Variants in NPR2 observed in about 807,000 individuals in gnomAD.
The protein encoded by NPR2 is natriuretic peptide receptor 2.
In NPR2, 49 loss-of-function variants were observed where a neutral mutation model predicts 120.7. The ratio of observed to expected loss-of-function variants is 0.41; its 90% CI spans 0.32 to 0.52. The LOEUF is 0.52. Ranked by LOEUF, NPR2 falls within the 20% of genes least tolerant of loss-of-function variation. The probability of loss-of-function intolerance (pLI) is 0.36; values close to 1 mark genes in which losing one functional copy is unlikely to be tolerated. For missense variants in NPR2, 931 were observed against 1,362.9 expected, an observed-to-expected ratio of 0.68 and a Z score of 4.99; for synonymous variants, 484 against 519.8, an observed-to-expected ratio of 0.93 and a Z score of 0.94.
intron 2 of NPR2, among the ~76,000 whole-genome samples, chr9:35,799,251 T>G (rs535691401): frequency 1.3e-5 from 2 of 152,214 alleles, no homozygotes; most frequent in Non-Finnish European, 2.9e-5. Flanking sequence ...GTGTGAGCTG[T>G]GGTGGCCTGG....
chr9:35,792,898 G>T lies in NPR2; in HGVS notation c.490G>T (p.Ala164Ser), dbSNP rs200256956. 1 of 1,614,138 alleles carries T rather than the reference G, an allele frequency of 6.2e-7. No homozygotes were observed. The highest frequency in any genetic ancestry group is 8.5e-7 in the Non-Finnish European group (1 of 1,180,030). ...ACTACACGGGCACTTCAATTGGACT[G>T]CCCGTGCTGCCTTGCTGTACCTGGA... ...VTLHGHFNWTARAALLYLDAR... is the reference protein window; with the variant it reads ...VTLHGHFNWTSRAALLYLDAR... The change falls in exon 1 of 22, where the codon GCC (alanine) becomes TCC (serine). Residue 164 changes from alanine to serine, a missense_variant. Coordinates refer to ENST00000342694, the MANE Select transcript of NPR2 (RefSeq NM_003995.4).
rs907856752 is a variant in NPR2 at position 35,806,838 on chromosome 9, C to T, written c.2520-185C>T. Among the ~76,000 whole-genome samples the T allele has an allele frequency of 8.5e-5, 13 of 152,194 alleles. No homozygotes were observed. Among genetic ancestry groups the T allele is most frequent in the African/African-American group, 3.1e-4 (13 of 41,448 alleles). The stretch of plus-strand genomic sequence containing the variant: ...TGCACAGGGATTCCCCTCAAACCCC[C>T]CCGCCACTTGTGTGCCTTACCTTGC... On this transcript the variant is annotated intron_variant, in intron 16 of 21. Transcript: ENST00000342694. The surrounding 1 kb of genome is among the most constrained non-coding windows in gnomAD (Gnocchi z 4.6).
In NPR2 at chr9:35,791,854, G is replaced by A. The variant is rs1321304450; in HGVS notation, c.-555G>A. On this transcript the variant is annotated 5_prime_UTR_variant, in exon 1 of 22. Transcript: ENST00000342694. ...ATCCTTCACAGGGAGATTTACCCCT[G>A]CCTTCCCCTGCCCTCCGGCCCAGGC... Among the ~76,000 whole-genome samples the A allele has an allele frequency of 6.6e-6, 1 of 151,972 alleles. No individual in the cohort carries two copies. The highest frequency in any genetic ancestry group is 1.5e-5 in the Non-Finnish European group (1 of 67,906).
In NPR2 at chr9:35,800,158, G is replaced by A; in HGVS notation, c.1123+1G>A. ...AAGATGCAGGGACGAAGATATCACG[G>A]TAATGAAGAGGGGTCAATGGGGGTC... is the stretch of plus-strand genomic sequence containing the variant. On this transcript the variant is annotated splice_donor_variant, in intron 4 of 21. Transcript: ENST00000342694. LOFTEE classifies it high-confidence loss of function. The surrounding 1 kb of genome is among the most constrained non-coding windows in gnomAD (Gnocchi z 4.7). 6.2e-7 allele frequency: 1 copy of A among 1,613,158 alleles called. No individual in the cohort carries two copies. Among genetic ancestry groups the A allele is most frequent in the Non-Finnish European group, 8.5e-7 (1 of 1,179,086 alleles).
rs1301865881 is a variant in NPR2, at chr9:35,808,204, T to G, written c.2713-305T>G. 1 of 1,614,114 alleles carries G rather than the reference T, an allele frequency of 6.2e-7. No individual in the cohort carries two copies. The highest frequency in any genetic ancestry group is 8.5e-7 in the Non-Finnish European group (1 of 1,180,048). On this transcript the variant is annotated intron_variant, in intron 18 of 21. Transcript: ENST00000342694. This position sits in a 1 kb window ranked among gnomAD's most constrained non-coding sequence, Gnocchi z 4.0. ...GCCTCTGTCCTCTTGAGTTACCGTT[T>G]TCTTGCTTCCCATTTCCTGATGGCA...
chr9:35,806,113 G>C lies in NPR2; in HGVS notation c.2252G>C (p.Ser751Thr). 6.2e-7 allele frequency: 1 copy of C among 1,614,236 alleles called. No homozygotes were observed. The highest frequency in any genetic ancestry group is 1.6e-4 in the Middle Eastern group (1 of 6,062). ...RNGQRPYFRP[S>T]IDRTQLNEEL... The stretch of plus-strand genomic sequence containing the variant: ...GGTCAGCGGCCATATTTCCGGCCAA[G>C]CATTGACCGGACCCAACTGAATGAA... The change falls in exon 15 of 22, where the codon AGC becomes ACC. Residue 751 changes from serine (S) to threonine (T), a missense_variant. Ser to Thr is a moderately conservative substitution (Grantham distance 58). Coordinates refer to ENST00000342694, the MANE Select transcript of NPR2 (RefSeq NM_003995.4). The surrounding 1 kb of genome is among the most constrained non-coding windows in gnomAD (Gnocchi z 4.6).
rs767409259 is a variant in NPR2 at position 35,802,525 on chromosome 9, A to G, written c.1733A>G (p.His578Arg). The G allele has an allele frequency of 6.2e-7, 1 of 1,602,238 alleles. No individual in the cohort carries two copies. Among genetic ancestry groups the G allele is most frequent in the South Asian group, 1.1e-5 (1 of 90,858 alleles). The change falls in exon 11 of 22, where the codon CAT (histidine) becomes CGT (arginine). Residue 578 changes from histidine (H) to arginine (R), a missense_variant. His to Arg is a conservative substitution (Grantham distance 29). This residue lies in a region of NPR2 where 681 missense variants were observed against 974.3 expected (regional missense o/e 0.70). Transcript: ENST00000342694. The surrounding 1 kb of genome is among the most constrained non-coding windows in gnomAD (Gnocchi z 4.2). ...LKHMRDVQFN[H>R]LTRFIGACID... ...CAGATGAGAGATGTTCAGTTCAACC[A>G]TCTCACTCGCTTCATTGGCGCCTGC... is the stretch of plus-strand genomic sequence containing the variant.
intron 18 of NPR2, among the ~76,000 whole-genome samples, chr9:35,807,863 G>A (rs569854161): frequency 2.0e-5 from 3 of 152,328 alleles, no homozygotes; most frequent in East Asian, 3.9e-4. Flanking sequence ...TGCTAACTGT[G>A]TGGCCTTAGG....
At chr9:35,801,375 T>A (rs1828149456) in intron 7 of NPR2, among the ~76,000 whole-genome samples, 1 of 152,254 alleles carries the variant, frequency 6.6e-6, no homozygotes, top group African/African-American at 2.4e-5. Flanking sequence ...ATATACTAAC[T>A]AGTGTTTTTC....
chr9:35,798,724 G>T (rs1341856381), intron 2 of NPR2, among the ~76,000 whole-genome samples: 1 of 152,226 alleles, frequency 6.6e-6, no homozygotes, highest in East Asian at 1.9e-4. Context: ...GTTGGTCTCA[G>T]TGACTATGTG....
chr9:35,808,263 G>T lies in NPR2; in HGVS notation c.2713-246G>T. On this transcript the variant is annotated intron_variant, in intron 18 of 21. Transcript: ENST00000342694. The surrounding 1 kb of genome is among the most constrained non-coding windows in gnomAD (Gnocchi z 4.0). ...TTGTCCATGTCCTGCTGCAGACAGG[G>T]TGTTCATTCATTCCGCAAATGTTTA... is the stretch of plus-strand genomic sequence containing the variant. 6.2e-7 allele frequency: 1 copy of T among 1,614,102 alleles called. No individual in the cohort carries two copies.
intron 12 of NPR2, among the ~76,000 whole-genome samples, chr9:35,804,196 G>T (rs536897045): frequency 1.3e-5 from 2 of 151,612 alleles, no homozygotes; most frequent in African/African-American, 4.8e-5. Flanking sequence ...GACTTGGGTG[G>T]CTCCTAGGGT....
chr9:35,800,678 C>A lies in NPR2; in HGVS notation c.1219-31C>A. ...TGGGGAGGAGGCTGGTGGGAGCAGG[C>A]CTGTGGGCCCAGCTTTTTGCTTCCT... On this transcript the variant is annotated intron_variant, in intron 5 of 21. Coordinates refer to ENST00000342694, the MANE Select transcript of NPR2 (RefSeq NM_003995.4). The surrounding 1 kb of genome is among the most constrained non-coding windows in gnomAD (Gnocchi z 4.7). 6.2e-7 allele frequency: 1 copy of A among 1,613,980 alleles called. No homozygotes were observed.
chr9:35,799,614 A>G lies in NPR2; in HGVS notation c.874-4A>G. 1.2e-6 allele frequency: 2 copies of G among 1,600,994 alleles called. No homozygotes were observed. The highest frequency in any genetic ancestry group is 2.2e-5 in the South Asian group (2 of 90,814). ...TCACTCTTCCCCATATGCTGCTGGT[A>G]CAGACTGTATTGGTGATCACGTACC... is the stretch of plus-strand genomic sequence containing the variant. On this transcript the variant is annotated splice_polypyrimidine_tract_variant and splice_region_variant and intron_variant, in intron 2 of 21. Coordinates refer to ENST00000342694, the MANE Select transcript of NPR2 (RefSeq NM_003995.4).
In NPR2 at chr9:35,805,490, G is replaced by T; in HGVS notation, c.1888-21G>T. On this transcript the variant is annotated intron_variant, in intron 12 of 21. Coordinates refer to ENST00000342694, the MANE Select transcript of NPR2 (RefSeq NM_003995.4). The surrounding 1 kb of genome is among the most constrained non-coding windows in gnomAD (Gnocchi z 4.9). ...TAAGCCAGATATGATCCAATCCCATGACTTGATCTGTACCCTGCAGGGCAT... is the reference window on the plus strand; with the variant it reads ...TAAGCCAGATATGATCCAATCCCATTACTTGATCTGTACCCTGCAGGGCAT... 1.9e-6 allele frequency: 3 copies of T among 1,613,740 alleles called. No individual in the cohort carries two copies. In the South Asian group the frequency reaches 3.3e-5, roughly 18 times the overall value.
intron 2 of NPR2, among the ~76,000 whole-genome samples, chr9:35,798,860 T>C (rs569740656): frequency 2.5e-4 from 38 of 152,354 alleles, no homozygotes; most frequent in Middle Eastern, 6.8e-3. Context: ...CAGTGAGATG[T>C]GTGCATGTCT....
In NPR2 at chr9:35,805,488, A is replaced by G. The variant is rs1828333464; in HGVS notation, c.1888-23A>G. The G allele has an allele frequency of 1.2e-6, 2 of 1,613,636 alleles. No homozygotes were observed. Among genetic ancestry groups the G allele is most frequent in the South Asian group, 1.1e-5 (1 of 91,070 alleles). On this transcript the variant is annotated intron_variant, in intron 12 of 21. Transcript: ENST00000342694. This position sits in a 1 kb window ranked among gnomAD's most constrained non-coding sequence, Gnocchi z 4.9. The stretch of plus-strand genomic sequence containing the variant: ...TCTAAGCCAGATATGATCCAATCCC[A>G]TGACTTGATCTGTACCCTGCAGGGC...
rs1280782777 is a variant in NPR2, at chr9:35,794,113, G to C, written c.873+10G>C. On this transcript the variant is annotated intron_variant, in intron 2 of 21. Transcript: ENST00000342694. ...CAGAGAGGCCTTTCAGGTATCATTT[G>C]AGCCAAATCTGAAGGAGGAGGGGGA... 3 of 1,611,016 alleles carry C rather than the reference G, an allele frequency of 1.9e-6. No individual in the cohort carries two copies. Among genetic ancestry groups the C allele is most frequent in the Non-Finnish European group, 2.5e-6 (3 of 1,177,766 alleles).
In NPR2 at chr9:35,800,923, T is replaced by A; in HGVS notation, c.1351+82T>A. 6.3e-7 allele frequency: 1 copy of A among 1,594,228 alleles called. No homozygotes were observed. Among genetic ancestry groups the A allele is most frequent in the Admixed American group, 1.7e-5 (1 of 60,004 alleles). On this transcript the variant is annotated intron_variant, in intron 6 of 21. Transcript: ENST00000342694. This position sits in a 1 kb window ranked among gnomAD's most constrained non-coding sequence, Gnocchi z 4.7. ...CTCCACCCTCACTGACCCTCCACTC[T>A]TAACTGTGCTTCTGCCTTTACGTCT...
Sources: allele counts gnomAD v4.1 joint callset (sites outside exome capture counted in the v4.1 genomes callset), GRCh38; gene constraint gnomAD v4.1.1; regional missense constraint gnomAD v4.1.1; non-coding constraint Gnocchi (gnomAD v3.1); transcripts MANE v1.5; gene names NCBI Gene and HGNC (gene_info 2026-07-23, HGNC 2026-07-21).